Variants in KLK6 observed in about 807,000 individuals in gnomAD.
The protein encoded by KLK6 is kallikrein related peptidase 6.
A neutral mutation model predicts 21.7 loss-of-function variants in KLK6; 16 were observed. The observed-to-expected ratio is 0.74, with a 90% confidence interval of 0.50 to 1.12. The LOEUF (loss-of-function observed/expected upper bound fraction) is 1.12, where lower values mean the gene tolerates loss of function less well. Ranked by LOEUF, KLK6 falls within the 50% of genes most tolerant of loss-of-function variation. KLK6 has a pLI of 0.00. For synonymous variants in KLK6, 116 were observed against 120.1 expected, an observed-to-expected ratio of 0.97 and a Z score of 0.22; for missense variants, 276 against 304.6, an observed-to-expected ratio of 0.91 and a Z score of 0.70.
intron 2 of KLK6, 184 bp from the exon 3 acceptor site, chr19:50,968,296 C>T (rs2086679945): frequency 1.5e-6 from 1 of 651,910 alleles, no homozygotes; most frequent in South Asian, 1.7e-5. Flanking sequence ...TCAGAGGATC[C>T]CACGAAAACA....
At chr19:50,961,715 G>A in intron 6 of KLK6, 29 bp downstream of exon 6, 1 of 1,608,502 alleles carries the variant, frequency 6.2e-7, no homozygotes, top group Non-Finnish European at 8.5e-7. Flanking sequence ...GTCCCTGGCT[G>A]TGTAAGTGGC....
chr19:50,963,395 G>A lies in KLK6; in HGVS notation c.352C>T (p.Leu118Phe). 1 of 1,614,236 alleles carries A rather than the reference G, an allele frequency of 6.2e-7. No homozygotes were observed. The highest frequency in any genetic ancestry group is 8.5e-7 in the Non-Finnish European group (1 of 1,180,044). The change falls in exon 5 of 7, where the codon CTC becomes TTC. Residue 118 changes from leucine (L) to phenylalanine (F), a missense_variant. Leu to Phe is a conservative substitution (Grantham distance 22, BLOSUM62 0). Coordinates refer to ENST00000310157, the MANE Select transcript of KLK6 (RefSeq NM_002774.4). ...GGAAGGGGCTGGATGAGTTCAGAGA[G>A]TTTGGCTGGGCGTGCCAGGCGCAAC... ...MLLRLARPAK[L>F]SELIQPLPLE...
At position 50,961,755 on chromosome 19, in the gene KLK6, C is replaced by A. The variant is rs1284098240; in HGVS notation, c.571G>T (p.Asp191Tyr). The A allele has an allele frequency of 6.2e-7, 1 of 1,613,564 alleles. No individual in the cohort carries two copies. Among genetic ancestry groups the A allele is most frequent in the East Asian group, 2.2e-5 (1 of 44,868 alleles). Residue 191 changes from aspartate (D) to tyrosine (Y), a missense_variant, in exon 6 of 7, where the codon GAT (aspartate) becomes TAT (tyrosine). Coordinates refer to ENST00000310157, the MANE Select transcript of KLK6 (RefSeq NM_002774.4). Reference protein sequence around the residue: ...LCAGDEKYGKDSCQGDSGGPL... With the variant: ...LCAGDEKYGKYSCQGDSGGPL... ...CCGGGTCACCTCACCTGGCAGGAAT[C>A]CTTCCCGTACTTCTCATCCCCAGCA...
chr19:50,963,985 A>G (rs1158824075), intron 4 of KLK6, among the ~76,000 whole-genome samples: 4 of 152,172 alleles, frequency 2.6e-5, no homozygotes, highest in Non-Finnish European at 4.4e-5. Context: ...AGCCCCTCCT[A>G]TGACTCCCAT....
rs764101634 is a variant in KLK6 at position 50,961,730 on chromosome 19, C to A, written c.582+14G>T. 6.2e-7 allele frequency: 1 copy of A among 1,611,150 alleles called. No homozygotes were observed. Among genetic ancestry groups the A allele is most frequent in the African/African-American group, 1.3e-5 (1 of 74,864 alleles). On this transcript the variant is annotated intron_variant, in intron 6 of 6. Transcript: ENST00000310157. Reference sequence around the variant, plus strand: ...GTCCCTGGCTGTGTAAGTGGCAGATCCGGGTCACCTCACCTGGCAGGAATC... The same window carrying A: ...GTCCCTGGCTGTGTAAGTGGCAGATACGGGTCACCTCACCTGGCAGGAATC...
rs1244969041 is a variant in KLK6, at chr19:50,963,214, C to A, written c.445+88G>T. 4 of 1,528,066 alleles carry A rather than the reference C, an allele frequency of 2.6e-6. No homozygotes were observed. The East Asian group carries it at 9.1e-5, about 35-fold the overall frequency. The allele number at this position is 1,528,066 out of a possible 1,614,324, so 94.7% of individuals were successfully genotyped here. ...TCACCATTAGCCCATCTTCCCATGG[C>A]CCCTCACCAATTTTCCCACTCCCCA... On this transcript the variant is annotated intron_variant, in intron 5 of 6. Coordinates refer to ENST00000310157, the MANE Select transcript of KLK6 (RefSeq NM_002774.4).
intron 4 of KLK6, among the ~76,000 whole-genome samples, chr19:50,964,466 C>G (rs1180862836): frequency 2.0e-5 from 3 of 152,106 alleles, no homozygotes; most frequent in Non-Finnish European, 4.4e-5. Context: ...GCCATGATCT[C>G]GATCTGCACT....
chr19:50,968,434 C>T (rs939100186), intron 2 of KLK6, 107 bp downstream of exon 2: 1 of 413,688 alleles, frequency 2.4e-6, no homozygotes, highest in African/African-American at 2.0e-5. Context: ...CCCTAGGGGG[C>T]CCTAGCGTTC....
chr19:50,969,325 A>C (rs565304396), intron 1 of KLK6, among the ~76,000 whole-genome samples, 165 bp downstream of exon 1: 1 of 152,028 alleles, frequency 6.6e-6, no homozygotes, highest in East Asian at 2.0e-4. Flanking sequence ...GTCTGAAGAC[A>C]AATTCCGGCC....
chr19:50,960,099 G>GGAGGGGGAGGAGGATGGA (rs1207011714), intron 6 of KLK6, among the ~76,000 whole-genome samples: 3 of 83,210 alleles, frequency 3.6e-5, no homozygotes, highest in Non-Finnish European at 7.6e-5. Context: ...AGGAGGATGG[G>GGAGGGGGAGGAGGATGGA]GAGGGGGAGG....
intron 6 of KLK6, 103 bp from the exon 7 acceptor site, chr19:50,959,419 GAGGT>G: frequency 9.8e-7 from 1 of 1,025,132 alleles, no homozygotes. Context: ...GACAGAGAGA[GAGGT>G]AGAAAGGGAC....
chr19:50,965,506 G>C (rs777435645), intron 4 of KLK6, among the ~76,000 whole-genome samples: 8 of 151,660 alleles, frequency 5.3e-5, no homozygotes, highest in Non-Finnish European at 1.0e-4. Flanking sequence ...AGCTGGTCTC[G>C]AACTCAGGTA....
In KLK6 at chr19:50,968,108, C is replaced by G. The variant is rs369049379; in HGVS notation, c.-4G>C. The G allele has an allele frequency of 6.2e-7, 1 of 1,613,912 alleles. No homozygotes were observed. The highest frequency in any genetic ancestry group is 1.3e-5 in the African/African-American group (1 of 74,906). On this transcript the variant is annotated 5_prime_UTR_variant, in exon 3 of 7. Transcript: ENST00000310157. ...GCACCACCATCAGCTTCTTCATGGC[C>G]GCTCCTGAGAGGGGAAGCCACATGG...
chr19:50,961,507 C>G (rs2090839381), intron 6 of KLK6, among the ~76,000 whole-genome samples: 1 of 152,218 alleles, frequency 6.6e-6, no homozygotes, highest in Non-Finnish European at 1.5e-5. Context: ...CCATCCTTGT[C>G]TCTGCACTTC....
chr19:50,965,181 C>A (rs1289532400), intron 4 of KLK6, among the ~76,000 whole-genome samples: 1 of 152,110 alleles, frequency 6.6e-6, no homozygotes, highest in Non-Finnish European at 1.5e-5. Flanking sequence ...CAGCTCACTG[C>A]AGCTTTGTAC....
chr19:50,963,303 A>C lies in KLK6; in HGVS notation c.444T>G (p.Asp148Glu). ...CCCCACCAGCCTCCCACTACTGACC[A>C]TCTGCTGTCTTGCCCCAGCCCAGGA... ...CHILGWGKTA[D>E]GDFPDTIQCA... Residue 148 changes from aspartate (D) to glutamate (E), a missense_variant and splice_region_variant, in exon 5 of 7, where the codon GAT becomes GAG. By Grantham distance (45) the Asp-to-Glu change is conservative (BLOSUM62 2). Transcript: ENST00000310157. 6.2e-7 allele frequency: 1 copy of C among 1,612,286 alleles called. No homozygotes were observed. The highest frequency in any genetic ancestry group is 8.5e-7 in the Non-Finnish European group (1 of 1,178,578).
chr19:50,967,552 A>ACACACAC lies in KLK6; in HGVS notation c.41-228_41-227insGTGTGTG, dbSNP rs1555781654. 5.6e-3 allele frequency among the ~76,000 whole-genome samples: 283 copies of ACACACAC among 50,622 alleles called. 3 individuals are homozygous for ACACACAC. Among genetic ancestry groups the ACACACAC allele is most frequent in the African/African-American group, 0.029 (229 of 7,864 alleles). 33.2% of individuals were successfully genotyped at this position (50,622 alleles called of 152,430 possible). ...ACACACACACACACACACACACACA[A>ACACACAC]ATTAGCAGGGTATGGTGGCATACGC... On this transcript the variant is annotated intron_variant, in intron 3 of 6. Transcript: ENST00000310157.
At chr19:50,959,726 AGG>A (rs2123610499) in intron 6 of KLK6, among the ~76,000 whole-genome samples, 1 of 840 alleles carries the variant, frequency 1.2e-3, no homozygotes, top group Non-Finnish European at 2.6e-3. Flanking sequence ...GAGGAAGAGG[AGG>A]AGGAAGAGGA....
In KLK6 at chr19:50,961,664, C is replaced by G. The variant is rs937896905; in HGVS notation, c.582+80G>C. Reference sequence around the variant, plus strand: ...TAAAGCTCTCTTTTGGCCTGTGTCTCTCTCTTCCTGTGTCTGGCCATGTTT... The same window carrying G: ...TAAAGCTCTCTTTTGGCCTGTGTCTGTCTCTTCCTGTGTCTGGCCATGTTT... On this transcript the variant is annotated intron_variant, in intron 6 of 6. Coordinates refer to ENST00000310157, the MANE Select transcript of KLK6 (RefSeq NM_002774.4). The G allele has an allele frequency of 1.7e-5, 26 of 1,543,006 alleles. 1 individual carries two copies. The Admixed American group carries it at 4.2e-4, about 25-fold the overall frequency.
Sources: gnomAD v4.1 joint callset for allele counts (sites outside exome capture counted in the v4.1 genomes callset) on GRCh38, gnomAD v4.1.1 for gene constraint, MANE v1.5 for transcripts, NCBI Gene and HGNC (gene_info 2026-07-23, HGNC 2026-07-21) for gene names.